The following SH3PXD2A variants were observed in gnomAD, a reference collection of about 807,000 sequenced individuals.
SH3PXD2A encodes SH3 and PX domain-containing protein 2A.
Under a neutral mutation model 115.2 loss-of-function variants are expected in SH3PXD2A, and 32 were observed. That is an observed-to-expected ratio of 0.28 (90% CI 0.21 to 0.37). The LOEUF is 0.37. Among genes scored for constraint, SH3PXD2A ranks in the 10% least tolerant of loss-of-function variants. SH3PXD2A has a pLI of 1.00. For synonymous variants in SH3PXD2A, 610 were observed against 629.1 expected (o/e 0.97, Z 0.45); for missense variants, 1,328 against 1,498.7 (o/e 0.89, Z 1.88).
At chr10:103,767,566 C>A (rs1477772013) in intron 2 of SH3PXD2A, among the ~76,000 whole-genome samples, 1 of 152,122 alleles carries the variant, frequency 6.6e-6, no homozygotes, top group East Asian at 1.9e-4. Flanking sequence ...CATCCCGAAC[C>A]CTCTTGGGCC....
chr10:103,748,107 C>T (rs2038528902), intron 3 of SH3PXD2A, among the ~76,000 whole-genome samples: 3 of 152,198 alleles, frequency 2.0e-5, no homozygotes, highest in Non-Finnish European at 4.4e-5. Flanking sequence ...TCATTGAGCA[C>T]TTGGTATGTG....
intron 11 of SH3PXD2A, among the ~76,000 whole-genome samples, chr10:103,615,483 GGTGTGTGTGTGTGTGTGTGT>G (rs57711259): frequency 4.8e-4 from 62 of 128,594 alleles, no homozygotes; most frequent in East Asian, 1.6e-3. Context: ...AGAGTGCGAG[GGTGTGTGTGTGTGTGTGTGT>G]GTGTGTGTGT....
chr10:103,846,619 G>A lies in SH3PXD2A; in HGVS notation c.72+8576C>T, dbSNP rs1390500028. Among the ~76,000 whole-genome samples the A allele has an allele frequency of 5.9e-5, 9 of 152,216 alleles. No homozygotes were observed. In the South Asian group the frequency reaches 8.3e-4, roughly 14 times the overall value. ...TCTGGGCTCAGTGCTTTCCAAAGCA[G>A]CTGTTATACCTGCCCTCCGCTCTGC... On this transcript the variant is annotated intron_variant, in intron 1 of 14. Coordinates refer to ENST00000369774, the MANE Select transcript of SH3PXD2A (RefSeq NM_001394015.1).
intron 3 of SH3PXD2A, among the ~76,000 whole-genome samples, chr10:103,737,439 C>A (rs1255228021): frequency 1.3e-5 from 2 of 152,172 alleles, no homozygotes; most frequent in Non-Finnish European, 2.9e-5. Context: ...ATTATTCCCC[C>A]AGACACAGCC....
chr10:103,633,123 AAGTCTC>A (rs909682272), intron 8 of SH3PXD2A, among the ~76,000 whole-genome samples: 2 of 152,244 alleles, frequency 1.3e-5, no homozygotes, highest in African/African-American at 4.8e-5. Context: ...GTGAGGATAA[AAGTCTC>A]AGCCCCAGCT....
At chr10:103,638,692 G>A (rs1384426598) in intron 8 of SH3PXD2A, among the ~76,000 whole-genome samples, 1 of 152,234 alleles carries the variant, frequency 6.6e-6, no homozygotes, top group African/African-American at 2.4e-5. Flanking sequence ...AGGATTAGAG[G>A]AGCTAATCCT....
At chr10:103,826,625 C>T (rs1289908877) in intron 1 of SH3PXD2A, among the ~76,000 whole-genome samples, 1 of 152,176 alleles carries the variant, frequency 6.6e-6, no homozygotes, top group Non-Finnish European at 1.5e-5. Context: ...GAATTTTCCC[C>T]CTAGTGAGTG....
intron 1 of SH3PXD2A, among the ~76,000 whole-genome samples, chr10:103,814,285 G>A (rs1384225634): frequency 1.3e-5 from 2 of 152,134 alleles, no homozygotes; most frequent in Admixed American, 6.5e-5. Flanking sequence ...CTTCATCAGC[G>A]ACTAAGGGGT....
In SH3PXD2A at chr10:103,617,268, G is replaced by A. The variant is rs780174314; in HGVS notation, c.849C>T (p.Asp283=). 1.6e-5 allele frequency: 26 copies of A among 1,614,060 alleles called. No individual in the cohort carries two copies. The highest frequency in any genetic ancestry group is 1.2e-4 in the South Asian group (11 of 91,092). Residue 283 remains aspartate, a synonymous_variant, in exon 11 of 15, where the codon GAC becomes GAT. Coordinates refer to ENST00000369774, the MANE Select transcript of SH3PXD2A (RefSeq NM_001394015.1). ...TVQPYTSQSK[D]EIGFEKGVTV... ...TGACGCCCTTCTCAAAGCCAATCTC[G>A]TCCTTGCTTTGGCTGGTGTAAGGCT...
chr10:103,599,268 T>G lies in SH3PXD2A; in HGVS notation c.*2548A>C, dbSNP rs1176431924. ...ACTGGGGGTCAAGGAGAGGGGGTCC[T>G]TGGGGGGGGCTGGGAGAATGTGGGG... On this transcript the variant is annotated 3_prime_UTR_variant, in exon 15 of 15. Coordinates refer to ENST00000369774, the MANE Select transcript of SH3PXD2A (RefSeq NM_001394015.1). The G allele has an allele frequency of 4.2e-5, 3 of 71,402 alleles. No homozygotes were observed. Among genetic ancestry groups the G allele is most frequent in the Non-Finnish European group, 7.9e-5 (3 of 37,944 alleles). The allele number at this position is 71,402 out of a possible 1,614,324, so 4.4% of individuals were successfully genotyped here. A position where few individuals can be genotyped will look rare whatever the true frequency, so the allele number is the denominator to read the frequency against.
intron 2 of SH3PXD2A, among the ~76,000 whole-genome samples, chr10:103,769,593 G>A (rs1222949641): frequency 6.6e-6 from 1 of 151,876 alleles, no homozygotes; most frequent in Non-Finnish European, 1.5e-5. Context: ...CACCACGCCT[G>A]GCTAACATTT....
At position 103,627,407 on chromosome 10, in the gene SH3PXD2A, G is replaced by A. The variant is rs1047661534; in HGVS notation, c.605-205C>T. On this transcript the variant is annotated intron_variant, in intron 8 of 14. Transcript: ENST00000369774. The surrounding 1 kb of genome is among the most constrained non-coding windows in gnomAD (Gnocchi z 4.4). ...GGCAGAAACGACCAGCACACTTCCC[G>A]AGAAGTGGGACCAATAAACTGTGAG... Among the ~76,000 whole-genome samples the A allele has an allele frequency of 2.6e-5, 4 of 152,244 alleles. No homozygotes were observed. The South Asian group carries it at 6.2e-4, about 24-fold the overall frequency.
intron 2 of SH3PXD2A, among the ~76,000 whole-genome samples, chr10:103,777,369 G>A (rs113607594): frequency 6.6e-6 from 1 of 152,258 alleles, no homozygotes; most frequent in East Asian, 1.9e-4. Flanking sequence ...TCTGGGAGGC[G>A]TCTTGGCCTG....
chr10:103,853,547 C>G (rs925302553), intron 1 of SH3PXD2A, among the ~76,000 whole-genome samples: 1 of 152,218 alleles, frequency 6.6e-6, no homozygotes, highest in Admixed American at 6.5e-5. Flanking sequence ...TGAGCAAGAC[C>G]GTCTAACTTC....
intron 1 of SH3PXD2A, among the ~76,000 whole-genome samples, chr10:103,835,673 C>A (rs547837277): frequency 1.3e-5 from 2 of 152,150 alleles, no homozygotes; most frequent in South Asian, 2.1e-4. Flanking sequence ...GCCGCCCCCC[C>A]AACCCCTCAC....
At chr10:103,617,376 C>A in intron 10 of SH3PXD2A, 62 bp from the exon 11 acceptor site, 1 of 1,163,558 alleles carries the variant, frequency 8.6e-7, no homozygotes, top group Non-Finnish European at 1.3e-6. Flanking sequence ...TGCTTCCTGT[C>A]CCCTCCTCCT....
chr10:103,719,156 C>A (rs757033169), intron 5 of SH3PXD2A, among the ~76,000 whole-genome samples: 31 of 152,346 alleles, frequency 2.0e-4, no homozygotes, highest in Non-Finnish European at 3.8e-4. Flanking sequence ...TCTGTTCCAG[C>A]AGCCTGAACA....
chr10:103,832,601 T>C (rs1403857735), intron 1 of SH3PXD2A, among the ~76,000 whole-genome samples: 2 of 152,144 alleles, frequency 1.3e-5, no homozygotes, highest in Admixed American at 6.5e-5. Flanking sequence ...ATGTCCTTTG[T>C]AGGGACATGG....
chr10:103,684,080 G>C (rs1376526699), intron 6 of SH3PXD2A, among the ~76,000 whole-genome samples: 1 of 152,240 alleles, frequency 6.6e-6, no homozygotes, highest in Admixed American at 6.5e-5. Context: ...GGGAGGGCCA[G>C]AGAGCCCAGC....
Sources: allele counts gnomAD v4.1 joint callset (sites outside exome capture counted in the v4.1 genomes callset), GRCh38; gene constraint gnomAD v4.1.1; non-coding constraint Gnocchi (gnomAD v3.1); transcripts MANE v1.5; gene names NCBI Gene and HGNC (gene_info 2026-07-23, HGNC 2026-07-21).